CUBN: variants seen among roughly 807,000 people sequenced by gnomAD.
CUBN encodes 460 kDa receptor.
A neutral mutation model predicts 405.3 loss-of-function variants in CUBN; 282 were observed. The ratio of observed to expected loss-of-function variants is 0.70; its 90% CI spans 0.63 to 0.77. The LOEUF is 0.77. Among genes scored for constraint, CUBN ranks in the 30% least tolerant of loss-of-function variants. CUBN has a pLI of 0.00. For missense variants in CUBN, 4,514 were observed against 4,475.2 expected (o/e 1.01, Z -0.25); for synonymous variants, 1,684 against 1,617.0 (o/e 1.04, Z -0.99).
intron 40 of CUBN, among the ~76,000 whole-genome samples, chr10:16,931,114 A>T (rs74957224): frequency 1.3e-5 from 2 of 150,820 alleles, no homozygotes; most frequent in Admixed American, 1.3e-4. Flanking sequence ...AAAAAAAAAA[A>T]TTAGCTGAGT....
At chr10:16,953,602 G>A (rs1842974356) in intron 32 of CUBN, among the ~76,000 whole-genome samples, 1 of 152,084 alleles carries the variant, frequency 6.6e-6, no homozygotes, top group African/African-American at 2.4e-5. Flanking sequence ...AACAAAAATG[G>A]CCAGGTATGG....
In CUBN at chr10:16,851,365, A is replaced by T; in HGVS notation, c.9533T>A (p.Met3178Lys). The T allele has an allele frequency of 6.2e-7, 1 of 1,614,144 alleles. No homozygotes were observed. ...TACACAGTTTAAATTCTTGTCATAC[A>T]TTCCATTCGAATCAGAATCAGGAGA... ...FASPDSDSNGMYDKNLNCVWI... is the reference protein window; with the variant it reads ...FASPDSDSNGKYDKNLNCVWI... The change falls in exon 60 of 67, where the codon ATG becomes AAG. Residue 3178 changes from methionine (M) to lysine (K), a missense_variant. Transcript: ENST00000377833.
At chr10:16,937,119 A>G (rs544531576) in intron 39 of CUBN, among the ~76,000 whole-genome samples, 88 of 152,360 alleles carry the variant, frequency 5.8e-4, no homozygotes, top group African/African-American at 1.9e-3. Context: ...ATAAAAGTTT[A>G]AAATTCGGCC....
In CUBN at chr10:17,085,654, G is replaced by A. The variant is rs1418267304; in HGVS notation, c.2053C>T (p.His685Tyr). 1.9e-6 allele frequency: 3 copies of A among 1,614,114 alleles called. No individual in the cohort carries two copies. Among genetic ancestry groups the A allele is most frequent in the East Asian group, 2.2e-5 (1 of 44,874 alleles). ...TTGPFARIHFHSDSQISDQGF... is the reference protein window; with the variant it reads ...TTGPFARIHFYSDSQISDQGF... ...TGGTCACTAATCTGGGAGTCTGAATGGAAGTGAATTCTGGCAAAGGGGCCA... is the reference window on the plus strand; with the variant it reads ...TGGTCACTAATCTGGGAGTCTGAATAGAAGTGAATTCTGGCAAAGGGGCCA... The change falls in exon 16 of 67, where the codon CAT becomes TAT. Residue 685 changes from histidine (H) to tyrosine (Y), a missense_variant. His to Tyr is a moderately conservative substitution (Grantham distance 83, BLOSUM62 2). Coordinates refer to ENST00000377833, the MANE Select transcript of CUBN (RefSeq NM_001081.4).
intron 28 of CUBN, among the ~76,000 whole-genome samples, chr10:17,004,476 T>C (rs771179079): frequency 1.4e-4 from 21 of 152,212 alleles, no homozygotes; most frequent in African/African-American, 1.9e-4. Context: ...AAATTCAGCA[T>C]GTTCAAATAG....
intron 56 of CUBN, among the ~76,000 whole-genome samples, chr10:16,879,654 C>A (rs1271359243): frequency 5.9e-5 from 9 of 152,150 alleles, no homozygotes; most frequent in Admixed American, 5.2e-4. Flanking sequence ...GGGTGTGTGA[C>A]CCAATCCAGT....
intron 65 of CUBN, among the ~76,000 whole-genome samples, chr10:16,829,801 A>G (rs1444332836): frequency 3.3e-5 from 5 of 151,588 alleles, no homozygotes; most frequent in Non-Finnish European, 5.9e-5. Context: ...GCAACTCATT[A>G]ATCTTGGTGG....
Position 16,890,384 on chromosome 10 carries a change from C to A in CUBN, c.8742G>T (p.Ala2914=). The change falls in exon 55 of 67, where the codon GCG becomes GCT. Residue 2914 remains alanine, a synonymous_variant. Transcript: ENST00000377833. ...SQEAPAQGFS[A]SFVSRCGSNF... ...AGGGCTACTTACGGCTAACAAAGGA[C>A]GCGGAGAAGCCCTGAGCTGGTGCCT... is the stretch of plus-strand genomic sequence containing the variant. The A allele has an allele frequency of 6.2e-7, 1 of 1,613,200 alleles. No individual in the cohort carries two copies. The highest frequency in any genetic ancestry group is 8.5e-7 in the Non-Finnish European group (1 of 1,180,034).
chr10:16,907,387 T>C, intron 49 of CUBN, 121 bp downstream of exon 49: 3 of 1,017,600 alleles, frequency 2.9e-6, no homozygotes, highest in South Asian at 1.4e-5. Flanking sequence ...GTTTGTCTTA[T>C]GTCAAAGATT....
At chr10:16,939,352 G>A (rs1158963646) in intron 37 of CUBN, among the ~76,000 whole-genome samples, 6 of 152,166 alleles carry the variant, frequency 3.9e-5, no homozygotes, top group African/African-American at 1.2e-4. Context: ...GTTGCATGGT[G>A]TGAAAAGAGG....
intron 17 of CUBN, among the ~76,000 whole-genome samples, chr10:17,080,156 T>C (rs1835936444): frequency 6.6e-6 from 1 of 152,242 alleles, no homozygotes; most frequent in South Asian, 2.1e-4. Context: ...TGTCATTTTC[T>C]ATGTAGTCTT....
chr10:16,840,455 A>G lies in CUBN; in HGVS notation c.9907T>C (p.Phe3303Leu), dbSNP rs1839310677. ...SPNSSDPDVPFSICTWVIDSP... is the reference protein window; with the variant it reads ...SPNSSDPDVPLSICTWVIDSP... ...TCAATGACCCAAGTACAGATGGAAA[A>G]TGGGACATCTGGGTCTGATGAATTG... The change falls in exon 62 of 67, where the codon TTT becomes CTT. Residue 3303 changes from phenylalanine (F) to leucine (L), a missense_variant. Phe to Leu is a conservative substitution (Grantham distance 22, BLOSUM62 0). Coordinates refer to ENST00000377833, the MANE Select transcript of CUBN (RefSeq NM_001081.4). The G allele has an allele frequency of 1.9e-6, 3 of 1,613,946 alleles. No homozygotes were observed. Among genetic ancestry groups the G allele is most frequent in the Non-Finnish European group, 2.5e-6 (3 of 1,179,994 alleles).
intron 62 of CUBN, among the ~76,000 whole-genome samples, chr10:16,837,131 C>CCTTG (rs1839195630): frequency 6.6e-6 from 1 of 151,972 alleles, no homozygotes; most frequent in Non-Finnish European, 1.5e-5. Context: ...TGCTCTTGGT[C>CCTTG]CTTGTCTAAC....
intron 54 of CUBN, among the ~76,000 whole-genome samples, chr10:16,892,757 G>C (rs1357378296): frequency 2.0e-5 from 3 of 152,082 alleles, no homozygotes; most frequent in African/African-American, 7.2e-5. Context: ...GCCTCCAAAA[G>C]TGCTGGGATT....
In CUBN at chr10:17,068,081, A is replaced by C. The variant is rs767741020; in HGVS notation, c.2991T>G (p.Ser997=). The change falls in exon 21 of 67, where the codon TCT becomes TCG. Residue 997 remains serine, a synonymous_variant. Transcript: ENST00000377833. ...NDYLEVYDTD[S]ETSLGRYCGK... is the part of the protein sequence containing the mutation. ...AACCTTACCTTCCAAGGGATGTCTC[A>C]GAGTCGGTGTCATAAACTTCCAAGT... 9 of 1,612,066 alleles carry C rather than the reference A, an allele frequency of 5.6e-6. No homozygotes were observed. The South Asian group carries it at 8.8e-5, about 16-fold the overall frequency.
At chr10:16,898,408 C>A (rs2131415671) in intron 54 of CUBN, among the ~76,000 whole-genome samples, 1 of 152,134 alleles carries the variant, frequency 6.6e-6, no homozygotes, top group Non-Finnish European at 1.5e-5. Context: ...CTAACGTGAC[C>A]AGTGTTATTT....
At chr10:17,127,950 TGAA>T in intron 2 of CUBN, 26 bp from the exon 3 acceptor site, 1 of 1,407,384 alleles carries the variant, frequency 7.1e-7, no homozygotes. Context: ...GAAGAAGAAA[TGAA>T]GAGCACTAGT....
intron 54 of CUBN, among the ~76,000 whole-genome samples, chr10:16,895,169 T>C (rs1399923936): frequency 2.0e-5 from 3 of 152,212 alleles, no homozygotes; most frequent in Admixed American, 6.5e-5. Flanking sequence ...TACTGTTTTT[T>C]AGTTCAGTTT....
At chr10:16,945,042 A>C (rs1842739218) in intron 36 of CUBN, among the ~76,000 whole-genome samples, 2 of 152,196 alleles carry the variant, frequency 1.3e-5, no homozygotes, top group African/African-American at 4.8e-5. Flanking sequence ...ATCCCACAGA[A>C]ATAAAATGAA....
Sources: gnomAD v4.1 joint callset for allele counts (sites outside exome capture counted in the v4.1 genomes callset) on GRCh38, gnomAD v4.1.1 for gene constraint, MANE v1.5 for transcripts, NCBI Gene and HGNC (gene_info 2026-07-23, HGNC 2026-07-21) for gene names.